Variants in RIPOR2 observed in about 807,000 individuals in gnomAD.
RIPOR2 encodes RHO family interacting cell polarization regulator 2.
RIPOR2 carries 39 observed loss-of-function variants against 114.5 expected under a neutral mutation model. The observed-to-expected ratio is 0.34, with a 90% CI of 0.26 to 0.44. The LOEUF (loss-of-function observed/expected upper bound fraction) is 0.44, where lower values mean the gene tolerates loss of function less well. Ranked by LOEUF, RIPOR2 falls within the 20% of genes least tolerant of loss-of-function variation. The pLI is 1.00. For missense variants in RIPOR2, 1,007 were observed against 1,255.1 expected (o/e 0.80, Z 2.99); for synonymous variants, 445 against 484.4 (o/e 0.92, Z 1.07).
intron 1 of RIPOR2, among the ~76,000 whole-genome samples, chr6:24,986,919 T>TAAA (rs11358710): frequency 6.9e-6 from 1 of 145,780 alleles, no homozygotes. Flanking sequence ...GCTGATGAGC[T>TAAA]AAAAAAAAAA....
At chr6:24,975,576 G>A (rs187536720) in intron 1 of RIPOR2, among the ~76,000 whole-genome samples, 27 of 152,246 alleles carry the variant, frequency 1.8e-4, no homozygotes, top group Admixed American at 1.0e-3. Context: ...CCAGCTACTC[G>A]GGAGTCTGAG....
At chr6:24,999,856 C>T (rs564245627) in intron 1 of RIPOR2, among the ~76,000 whole-genome samples, 124 of 152,290 alleles carry the variant, frequency 8.1e-4, no homozygotes, top group African/African-American at 2.9e-3. Flanking sequence ...GCGCCCAGCC[C>T]TGACTCATCC....
intron 16 of RIPOR2, among the ~76,000 whole-genome samples, chr6:24,831,181 C>T (rs549626318): frequency 2.0e-4 from 31 of 152,208 alleles, no homozygotes; most frequent in Admixed American, 3.9e-4. Flanking sequence ...GAAGTTATGA[C>T]GAGGAACTCA....
chr6:24,895,008 G>A (rs1203504618), intron 1 of RIPOR2, among the ~76,000 whole-genome samples: 4 of 152,158 alleles, frequency 2.6e-5, no homozygotes, highest in Non-Finnish European at 5.9e-5. Context: ...TAATTTAGAG[G>A]TTCTCAAACC....
At chr6:24,879,389 C>G (rs1766135880) in intron 1 of RIPOR2, among the ~76,000 whole-genome samples, 1 of 152,190 alleles carries the variant, frequency 6.6e-6, no homozygotes, top group Non-Finnish European at 1.5e-5. Flanking sequence ...ACATATGGAA[C>G]TGATGGCCAC....
At chr6:24,977,363 C>G (rs9358813) in intron 1 of RIPOR2, among the ~76,000 whole-genome samples, 25,323 of 151,816 alleles carry the variant, frequency 0.17, 2,896 homozygotes, top group East Asian at 0.54. Flanking sequence ...GTCGACAGGA[C>G]TATGTGTCCC....
intron 1 of RIPOR2, among the ~76,000 whole-genome samples, chr6:24,991,556 C>T (rs1376054357): frequency 1.3e-5 from 2 of 152,122 alleles, no homozygotes; most frequent in African/African-American, 4.8e-5. Flanking sequence ...GACATCTATG[C>T]ACAGTGGCTG....
intron 4 of RIPOR2, among the ~76,000 whole-genome samples, chr6:24,872,255 A>G (rs1240826745): frequency 2.6e-5 from 4 of 152,228 alleles, no homozygotes; most frequent in Non-Finnish European, 2.9e-5. Context: ...GATCTGGTCT[A>G]AGAACTCTTA....
At chr6:24,974,518 C>G (rs762183579) in intron 1 of RIPOR2, among the ~76,000 whole-genome samples, 1 of 152,110 alleles carries the variant, frequency 6.6e-6, no homozygotes, top group Non-Finnish European at 1.5e-5. Flanking sequence ...TAATCACAAG[C>G]GTTGAGGAAG....
intron 4 of RIPOR2, 75 bp from the exon 5 acceptor site, chr6:24,870,964 G>T: frequency 1.1e-6 from 1 of 886,770 alleles, no homozygotes; most frequent in Non-Finnish European, 1.7e-6. Flanking sequence ...GAATGATTTA[G>T]CCCACATTTG....
At chr6:24,849,602 G>T (rs79683983) in intron 11 of RIPOR2, among the ~76,000 whole-genome samples, 200 bp downstream of exon 11, 243 of 152,218 alleles carry the variant, frequency 1.6e-3, no homozygotes, top group African/African-American at 4.9e-3. Flanking sequence ...ACTTTAACAC[G>T]CGTGCACCTT....
chr6:24,958,958 C>CTTTCTTTTTT (rs139147901), intron 1 of RIPOR2, among the ~76,000 whole-genome samples: 58,243 of 123,194 alleles, frequency 0.47, 14,942 homozygotes, highest in East Asian at 0.8. Context: ...TCTACATTTT[C>CTTTCTTTTTT]TTTTTTTTTT....
At chr6:24,988,270 C>T (rs1213226676) in intron 1 of RIPOR2, among the ~76,000 whole-genome samples, 2 of 152,172 alleles carry the variant, frequency 1.3e-5, no homozygotes, top group African/African-American at 4.8e-5. Context: ...ACTGCAACCT[C>T]CGCCTCCCAG....
At chr6:24,872,983 A>T (rs985259118) in intron 3 of RIPOR2, 24 bp from the exon 4 acceptor site, 1 of 1,522,486 alleles carries the variant, frequency 6.6e-7, no homozygotes, top group Non-Finnish European at 9.1e-7. Context: ...ACAAGATGTA[A>T]TCGTAATCTC....
chr6:24,893,812 T>C (rs973128919), intron 1 of RIPOR2, among the ~76,000 whole-genome samples: 3 of 152,178 alleles, frequency 2.0e-5, no homozygotes, highest in Non-Finnish European at 4.4e-5. Context: ...ATCTGGTTTA[T>C]AGGGAGAAGC....
At chr6:25,040,966 G>A (rs966894348) in intron 1 of RIPOR2, among the ~76,000 whole-genome samples, 3 of 152,164 alleles carry the variant, frequency 2.0e-5, no homozygotes, top group African/African-American at 7.2e-5. Flanking sequence ...GCATTGAATG[G>A]TGGGTGCCCC....
chr6:24,899,434 TA>T (rs1417924616), intron 1 of RIPOR2, among the ~76,000 whole-genome samples: 1 of 151,920 alleles, frequency 6.6e-6, no homozygotes, highest in Non-Finnish European at 1.5e-5. Flanking sequence ...GTGATGCAAA[TA>T]AAAAAAATAC....
intron 1 of RIPOR2, among the ~76,000 whole-genome samples, chr6:24,984,205 C>A: frequency 6.6e-6 from 1 of 152,326 alleles, no homozygotes; most frequent in East Asian, 1.9e-4. Flanking sequence ...GAAGAGACCA[C>A]CAAACAGGCT....
chr6:25,009,179 C>T (rs1204102547), intron 1 of RIPOR2, among the ~76,000 whole-genome samples: 2 of 152,204 alleles, frequency 1.3e-5, no homozygotes, highest in Non-Finnish European at 2.9e-5. Context: ...CAGTAGGGAG[C>T]ACAAAGGGAA....
Sources: gnomAD v4.1 joint callset for allele counts (sites outside exome capture counted in the v4.1 genomes callset) on GRCh38, gnomAD v4.1.1 for gene constraint, MANE v1.5 for transcripts, NCBI Gene and HGNC (gene_info 2026-07-23, HGNC 2026-07-21) for gene names.